The following PRKAG2 variants were observed in gnomAD, a reference collection of about 807,000 sequenced individuals.
The protein encoded by PRKAG2 is protein kinase AMP-activated non-catalytic subunit gamma 2.
PRKAG2 carries 26 observed loss-of-function variants against 69.6 expected under a neutral mutation model. The ratio of observed to expected loss-of-function variants is 0.37; its 90% CI spans 0.27 to 0.52. PRKAG2 has a LOEUF of 0.52. Among genes scored for constraint, PRKAG2 ranks in the 20% least tolerant of loss-of-function variants. PRKAG2 has a pLI of 0.90. For synonymous variants in PRKAG2, 293 were observed against 285.0 expected (o/e 1.03, Z -0.28); for missense variants, 557 against 740.0 (o/e 0.75, Z 2.87).
chr7:151,832,555 C>G (rs562678734), intron 1 of PRKAG2, among the ~76,000 whole-genome samples: 2 of 151,006 alleles, frequency 1.3e-5, no homozygotes, highest in Non-Finnish European at 3.0e-5. Context: ...GGTTCTCCCC[C>G]CTTCCCCTGG....
At chr7:151,683,036 TAAGGACTTTGTTTAGGACG>T (rs1302739340) in intron 3 of PRKAG2, among the ~76,000 whole-genome samples, 1 of 152,238 alleles carries the variant, frequency 6.6e-6, no homozygotes, top group Non-Finnish European at 1.5e-5. Flanking sequence ...TCCTGCTCCT[TAAGGACTTTGTTTAGGACG>T]CCGCCAGCCT....
chr7:151,768,202 A>T (rs975324189), intron 3 of PRKAG2, among the ~76,000 whole-genome samples: 1 of 152,158 alleles, frequency 6.6e-6, no homozygotes, highest in African/African-American at 2.4e-5. Flanking sequence ...GCTTCCTCAA[A>T]GCCACAGTTC....
intron 1 of PRKAG2, among the ~76,000 whole-genome samples, chr7:151,808,593 G>C (rs1317921868): frequency 6.6e-6 from 1 of 151,346 alleles, no homozygotes; most frequent in Admixed American, 6.6e-5. Flanking sequence ...GCAGGTTGTT[G>C]GGGGGGCTTG....
intron 5 of PRKAG2, among the ~76,000 whole-genome samples, chr7:151,628,719 A>AAAAAAAGAAAAACCAG (rs371336340): frequency 0.11 from 17,108 of 151,530 alleles, 1,098 homozygotes; most frequent in Middle Eastern, 0.15. Context: ...GGGAGGGAAA[A>AAAAAAAGAAAAACCAG]ATTGCTATGG....
intron 1 of PRKAG2, among the ~76,000 whole-genome samples, chr7:151,803,415 G>C (rs75414522): frequency 0.064 from 9,730 of 152,194 alleles, 436 homozygotes; most frequent in Non-Finnish European, 0.099. Flanking sequence ...TCAAAGGGAG[G>C]CTTGTTACAA....
intron 1 of PRKAG2, among the ~76,000 whole-genome samples, chr7:151,827,928 C>T (rs2078945661): frequency 1.3e-5 from 2 of 152,086 alleles, no homozygotes; most frequent in South Asian, 2.1e-4. Flanking sequence ...GTTCCAGCTT[C>T]GCAGCAGATG....
intron 4 of PRKAG2, among the ~76,000 whole-genome samples, chr7:151,667,041 G>A (rs1831154840): frequency 1.3e-5 from 2 of 152,252 alleles, no homozygotes; most frequent in East Asian, 3.9e-4. Flanking sequence ...CCTTGCCCAA[G>A]GTCAGCTCCC....
At chr7:151,725,803 T>C (rs1020642724) in intron 3 of PRKAG2, among the ~76,000 whole-genome samples, 2 of 152,094 alleles carry the variant, frequency 1.3e-5, no homozygotes, top group Non-Finnish European at 2.9e-5. Flanking sequence ...CTGTGCCCTT[T>C]CTGCCACTGG....
At chr7:151,577,496 T>C (rs956358571) in intron 6 of PRKAG2, among the ~76,000 whole-genome samples, 2 of 152,224 alleles carry the variant, frequency 1.3e-5, no homozygotes, top group South Asian at 2.1e-4. Context: ...TAAGCCGATA[T>C]TTTAAAGTTG....
rs2078181006 is a variant in PRKAG2, at chr7:151,807,599, G to A, written c.115-21058C>T. On this transcript the variant is annotated intron_variant, in intron 1 of 15. Coordinates refer to ENST00000287878, the MANE Select transcript of PRKAG2 (RefSeq NM_016203.4). The surrounding 1 kb of genome is among the most constrained non-coding windows in gnomAD (Gnocchi z 4.4). Reference sequence around the variant, plus strand: ...CAGCTGCCACGGAGGTAGGAAGAATGATTCGTTTGCCACCAAAAGCCCAGT... The same window carrying A: ...CAGCTGCCACGGAGGTAGGAAGAATAATTCGTTTGCCACCAAAAGCCCAGT... 2.2e-6 allele frequency: 1 copy of A among 457,718 alleles called. No individual in the cohort carries two copies. The highest frequency in any genetic ancestry group is 2.3e-5 in the Admixed American group (1 of 42,572). The allele number at this position is 457,718 out of a possible 1,614,324, so 28.4% of individuals were successfully genotyped here.
intron 1 of PRKAG2, among the ~76,000 whole-genome samples, chr7:151,792,563 C>A (rs1209565003): frequency 6.6e-6 from 1 of 152,194 alleles, no homozygotes; most frequent in Non-Finnish European, 1.5e-5. Context: ...GACCTTCCAG[C>A]GTTTCTGATG....
At chr7:151,648,776 C>T (rs775927843) in intron 4 of PRKAG2, among the ~76,000 whole-genome samples, 6 of 151,988 alleles carry the variant, frequency 3.9e-5, no homozygotes, top group Non-Finnish European at 8.8e-5. Context: ...GTCCCAGCTA[C>T]GTGGGAGGGT....
rs145417977 is a variant in PRKAG2 at position 151,833,197 on chromosome 7, G to A, written c.114+43310C>T. Among the ~76,000 whole-genome samples the A allele has an allele frequency of 5.5e-3, 836 of 152,324 alleles. 13 individuals are homozygous for A. The highest frequency in any genetic ancestry group is 0.019 in the African/African-American group (787 of 41,566). The stretch of plus-strand genomic sequence containing the variant: ...AGCGCGTGAGTCTTTTGATTAGATG[G>A]TCACGGAAGGCCTCGTGGAGATCTG... On this transcript the variant is annotated intron_variant, in intron 1 of 15. Transcript: ENST00000287878.
At chr7:151,785,325 G>A (rs1320928047) in intron 2 of PRKAG2, among the ~76,000 whole-genome samples, 4 of 152,196 alleles carry the variant, frequency 2.6e-5, no homozygotes, top group Admixed American at 6.5e-5. Context: ...GGAGGAAGAC[G>A]ACCCAGTGCC....
intron 11 of PRKAG2, chr7:151,566,611 T>C (rs1440942598): frequency 2.2e-6 from 1 of 448,668 alleles, no homozygotes; most frequent in Admixed American, 2.4e-5. Context: ...CCTCCTGGTG[T>C]ACCTTATAAT....
chr7:151,621,488 A>G (rs79546971), intron 5 of PRKAG2, among the ~76,000 whole-genome samples: 3,247 of 152,240 alleles, frequency 0.021, 105 homozygotes, highest in African/African-American at 0.073. Flanking sequence ...TTGCAGACCA[A>G]CCTGGGTGAC....
chr7:151,871,037 C>T (rs2080209100), intron 1 of PRKAG2, among the ~76,000 whole-genome samples: 1 of 152,192 alleles, frequency 6.6e-6, no homozygotes, highest in East Asian at 1.9e-4. Flanking sequence ...AAGACTTCTG[C>T]CTTGGGTCCA....
At chr7:151,860,736 T>G (rs1162277861) in intron 1 of PRKAG2, among the ~76,000 whole-genome samples, 1 of 152,138 alleles carries the variant, frequency 6.6e-6, no homozygotes, top group Non-Finnish European at 1.5e-5. Flanking sequence ...CATATTAACC[T>G]GATGAACTGA....
At chr7:151,631,955 C>G in intron 5 of PRKAG2, 114 bp downstream of exon 5, 2 of 1,030,524 alleles carry the variant, frequency 1.9e-6, no homozygotes, top group Non-Finnish European at 2.4e-6. Context: ...TTCCGCAGGA[C>G]GCAGCTCGCC....
Sources: gnomAD v4.1 joint callset for allele counts (sites outside exome capture counted in the v4.1 genomes callset) on GRCh38, gnomAD v4.1.1 for gene constraint, Gnocchi (gnomAD v3.1) non-coding constraint, MANE v1.5 for transcripts, NCBI Gene and HGNC (gene_info 2026-07-23, HGNC 2026-07-21) for gene names.